The following ANXA8 variants were observed in gnomAD, a reference collection of about 807,000 sequenced individuals.
ANXA8 encodes VAC-beta.
Under a neutral mutation model 26.8 loss-of-function variants are expected in ANXA8, and 9 were observed. The observed-to-expected ratio is 0.34, with a 90% confidence interval of 0.20 to 0.59. The LOEUF (loss-of-function observed/expected upper bound fraction) is 0.59, where lower values mean the gene tolerates loss of function less well. ANXA8 is among the 20% of genes least tolerant of loss of function. The pLI is 0.84. For synonymous variants in ANXA8, 39 were observed against 94.8 expected (o/e 0.41, Z 3.42); for missense variants, 83 against 238.5 (o/e 0.35, Z 4.29).
At chr10:47,485,676 T>TA (rs1334643445), upstream of ANXA8, among the ~76,000 whole-genome samples, 1 of 151,878 alleles carries the variant, frequency 6.6e-6, no homozygotes. Context: ...TTTTTTTAAT[T>TA]AAAAAATGTT....
chr10:47,645,833 G>A, the ANXA8 span, among the ~76,000 whole-genome samples: 6 of 149,304 alleles, frequency 4.0e-5, no homozygotes, highest in East Asian at 3.8e-4. Flanking sequence ...GAGGAAGGGC[G>A]AATTTAATCT....
chr10:47,686,378 C>A, the ANXA8 span, among the ~76,000 whole-genome samples: 2 of 151,660 alleles, frequency 1.3e-5, no homozygotes, highest in African/African-American at 4.8e-5. Flanking sequence ...GCCACCATAC[C>A]TGGCTAATTT....
At chr10:47,744,688 A>C in the ANXA8 span, among the ~76,000 whole-genome samples, 543 of 151,250 alleles carry the variant, frequency 3.6e-3, 5 homozygotes, top group East Asian at 0.017. Flanking sequence ...AAGAAATATA[A>C]CCATGATGTT....
chr10:47,585,250 C>A, the ANXA8 span, among the ~76,000 whole-genome samples: 2 of 74,402 alleles, frequency 2.7e-5, no homozygotes, highest in Non-Finnish European at 4.7e-5. Context: ...AGAGACATAG[C>A]GAGACTCCAT....
At chr10:47,659,402 G>A in the ANXA8 span, among the ~76,000 whole-genome samples, 6 of 151,752 alleles carry the variant, frequency 4.0e-5, no homozygotes, top group Non-Finnish European at 5.9e-5. Context: ...GTTTTAGGCC[G>A]GGCGCGGTGG....
At chr10:47,491,708 TG>T in the ANXA8 span, 1 of 1,543,426 alleles carries the variant, frequency 6.5e-7, no homozygotes, top group Non-Finnish European at 8.8e-7. Flanking sequence ...ACTAGGATGC[TG>T]AGGACTGGCC....
At chr10:47,698,152 A>C in the ANXA8 span, among the ~76,000 whole-genome samples, 3 of 150,692 alleles carry the variant, frequency 2.0e-5, 1 homozygote, top group African/African-American at 7.4e-5. Flanking sequence ...TGAAAGACTG[A>C]GAGGGAACTG....
chr10:47,698,180 C>A, the ANXA8 span, among the ~76,000 whole-genome samples: 1 of 149,576 alleles, frequency 6.7e-6, no homozygotes. Context: ...GGGAAAAGGG[C>A]TATGTTTCAA....
the ANXA8 span, among the ~76,000 whole-genome samples, chr10:47,953,096 A>C: frequency 6.6e-6 from 1 of 150,578 alleles, no homozygotes; most frequent in Admixed American, 6.6e-5. Flanking sequence ...CGAGGAAAAA[A>C]ATTGATAAAT....
At chr10:47,546,596 C>T in the ANXA8 span, among the ~76,000 whole-genome samples, 3 of 137,214 alleles carry the variant, frequency 2.2e-5, no homozygotes, top group South Asian at 2.4e-4. Flanking sequence ...TTAGTAGAGA[C>T]GGGGTTTCAC....
the ANXA8 span, among the ~76,000 whole-genome samples, chr10:47,578,878 T>G: frequency 6.6e-6 from 1 of 151,884 alleles, no homozygotes; most frequent in African/African-American, 2.4e-5. Flanking sequence ...AGACAGAGTC[T>G]TGCTCTGTAA....
chr10:47,494,937 G>T, the ANXA8 span, among the ~76,000 whole-genome samples: 1 of 152,274 alleles, frequency 6.6e-6, no homozygotes, highest in East Asian at 1.9e-4. Context: ...GGACAGGAAA[G>T]GTGTCCACAG....
intron 1 of ANXA8, among the ~76,000 whole-genome samples, chr10:47,483,048 C>G (rs1467928158): frequency 6.6e-6 from 1 of 150,644 alleles, no homozygotes; most frequent in Non-Finnish European, 1.5e-5. Context: ...AGCCGGCAGC[C>G]GGGAGATGTC....
the ANXA8 span, among the ~76,000 whole-genome samples, chr10:47,721,297 A>G: frequency 1.4e-5 from 2 of 141,842 alleles, 1 homozygote; most frequent in African/African-American, 5.1e-5. Flanking sequence ...AATACTGCTC[A>G]ATACTATTCC....
chr10:47,571,041 C>T, the ANXA8 span, among the ~76,000 whole-genome samples: 1 of 148,978 alleles, frequency 6.7e-6, no homozygotes, highest in African/African-American at 2.5e-5. Context: ...GAGTACCTAC[C>T]GATTCTGAGA....
the ANXA8 span, among the ~76,000 whole-genome samples, chr10:47,682,469 C>CTTTTT: frequency 1.1e-4 from 13 of 121,650 alleles, no homozygotes; most frequent in African/African-American, 2.7e-4. Flanking sequence ...CTTTCTTTTT[C>CTTTTT]TTTTTTTTTT....
chr10:47,954,974 A>G, the ANXA8 span, among the ~76,000 whole-genome samples: 554 of 149,626 alleles, frequency 3.7e-3, 3 homozygotes, highest in Non-Finnish European at 6.9e-3. Context: ...CACACAAGAG[A>G]CTACAGTCAT....
At chr10:47,676,103 G>C in the ANXA8 span, among the ~76,000 whole-genome samples, 6 of 151,544 alleles carry the variant, frequency 4.0e-5, no homozygotes, top group African/African-American at 1.5e-4. Flanking sequence ...GCAGAAGAAA[G>C]AATCAGTGAA....
At chr10:47,957,119 G>A in the ANXA8 span, among the ~76,000 whole-genome samples, 4 of 150,158 alleles carry the variant, frequency 2.7e-5, no homozygotes, top group African/African-American at 7.5e-5. Context: ...GCTCAGAGCT[G>A]AGCAAGGTTG....
Sources: allele counts gnomAD v4.1 joint callset (sites outside exome capture counted in the v4.1 genomes callset), GRCh38; gene constraint gnomAD v4.1.1; transcripts MANE v1.5; gene names NCBI Gene and HGNC (gene_info 2026-07-23, HGNC 2026-07-21).